Variants in FGF14 observed in about 807,000 individuals in gnomAD.
The protein encoded by FGF14 is fibroblast growth factor 14, also known as fibroblast growth factor homologous factor 4.
FGF14 carries 5 observed loss-of-function variants against 25.5 expected under a neutral mutation model. The observed-to-expected ratio is 0.20, with a 90% CI of 0.10 to 0.41. The LOEUF is 0.41. FGF14 is among the 10% of genes least tolerant of loss of function. The probability of loss-of-function intolerance (pLI) is 1.00; values close to 1 mark genes in which losing one functional copy is unlikely to be tolerated. For synonymous variants in FGF14, 138 were observed against 118.3 expected, an observed-to-expected ratio of 1.17 and a Z score of -1.08; for missense variants, 222 against 320.1, an observed-to-expected ratio of 0.69 and a Z score of 2.34.
At chr13:102,234,577 TA>T (rs942447784) in intron 1 of FGF14, among the ~76,000 whole-genome samples, 36 of 152,242 alleles carry the variant, frequency 2.4e-4, no homozygotes, top group Admixed American at 1.7e-3. Context: ...TTACTATAAT[TA>T]AAAATAAAAT....
At position 101,754,705 on chromosome 13, in the gene FGF14, G is replaced by T. The variant is rs530397372; in HGVS notation, c.409-27895C>A. Among the ~76,000 whole-genome samples the T allele has an allele frequency of 7.9e-5, 12 of 152,148 alleles. No homozygotes were observed. The East Asian group carries it at 1.9e-3, about 25-fold the overall frequency. On this transcript the variant is annotated intron_variant, in intron 3 of 4. Coordinates refer to ENST00000376143, the MANE Select transcript of FGF14 (RefSeq NM_004115.4). Reference sequence around the variant, plus strand: ...GATCACACCACTGCACCCCAGCCTGGGTGACGAAGTAAGACTCCATAACAA... The same window carrying T: ...GATCACACCACTGCACCCCAGCCTGTGTGACGAAGTAAGACTCCATAACAA...
At chr13:101,917,005 C>G (rs1033859388), upstream of FGF14, among the ~76,000 whole-genome samples, 6 of 151,642 alleles carry the variant, frequency 4.0e-5, no homozygotes, top group African/African-American at 1.5e-4. Flanking sequence ...CCGCCACTCG[C>G]GCTGCCTTCT....
chr13:101,807,509 G>C (rs9513958), intron 3 of FGF14, among the ~76,000 whole-genome samples: 133,840 of 152,054 alleles, frequency 0.88, 59,128 homozygotes, highest in Non-Finnish European at 0.92. Context: ...TAAGTGGACT[G>C]TTTTTTGGAT....
chr13:102,099,715 T>C (rs2044569568), intron 1 of FGF14, among the ~76,000 whole-genome samples: 1 of 152,140 alleles, frequency 6.6e-6, no homozygotes, highest in Non-Finnish European at 1.5e-5. Flanking sequence ...GTTAATAAGA[T>C]GCACTATTTA....
intron 1 of FGF14, among the ~76,000 whole-genome samples, chr13:102,107,745 A>G (rs2044996870): frequency 6.6e-6 from 1 of 152,196 alleles, no homozygotes; most frequent in Non-Finnish European, 1.5e-5. Context: ...GAAGTCAGAG[A>G]AGAAAAGGAT....
intron 3 of FGF14, among the ~76,000 whole-genome samples, chr13:101,772,312 G>A (rs1160415109): frequency 6.6e-6 from 1 of 151,984 alleles, no homozygotes; most frequent in Non-Finnish European, 1.5e-5. Flanking sequence ...AGCCACCACG[G>A]GGTTTCATAT....
intron 3 of FGF14, among the ~76,000 whole-genome samples, chr13:101,843,669 G>A (rs1301515992): frequency 6.6e-6 from 1 of 151,904 alleles, no homozygotes; most frequent in African/African-American, 2.4e-5. Flanking sequence ...ACTAGATATA[G>A]GGACTAGGAA....
intron 1 of FGF14, among the ~76,000 whole-genome samples, chr13:102,121,682 G>C (rs149581100): frequency 2.2e-3 from 329 of 152,136 alleles, no homozygotes; most frequent in African/African-American, 7.5e-3. Flanking sequence ...TATATATGTT[G>C]TACATACCCA....
chr13:102,129,554 T>C (rs142613751), intron 1 of FGF14, among the ~76,000 whole-genome samples: 4 of 152,282 alleles, frequency 2.6e-5, no homozygotes, highest in African/African-American at 9.6e-5. Flanking sequence ...TACATGAGTA[T>C]TTCCCTTCCT....
intron 1 of FGF14, among the ~76,000 whole-genome samples, chr13:101,923,745 A>C (rs1218027424): frequency 6.6e-6 from 1 of 152,074 alleles, no homozygotes; most frequent in African/African-American, 2.4e-5. Flanking sequence ...TCTGGTAGGC[A>C]ACAGATTTCT....
intron 3 of FGF14, among the ~76,000 whole-genome samples, chr13:101,863,118 T>C (rs1003908599): frequency 3.3e-5 from 5 of 152,168 alleles, no homozygotes; most frequent in African/African-American, 1.2e-4. Flanking sequence ...CATAGTGTCA[T>C]AGATTGTTAT....
intron 3 of FGF14, among the ~76,000 whole-genome samples, chr13:101,825,392 CTCATGGATT>C (rs1246989359): frequency 1.3e-5 from 2 of 152,176 alleles, no homozygotes; most frequent in Non-Finnish European, 2.9e-5. Flanking sequence ...CTTCCTATTA[CTCATGGATT>C]TCAACACAAT....
chr13:102,285,883 A>G (rs912312472), intron 1 of FGF14, among the ~76,000 whole-genome samples: 2 of 152,236 alleles, frequency 1.3e-5, no homozygotes, highest in African/African-American at 4.8e-5. Context: ...CTTCAAGGCA[A>G]AGGGTTGCAG....
chr13:101,957,822 C>T (rs1224992731), intron 1 of FGF14, among the ~76,000 whole-genome samples: 4 of 152,104 alleles, frequency 2.6e-5, no homozygotes, highest in Non-Finnish European at 5.9e-5. Context: ...ACCATTGTCA[C>T]TCTCTTAATC....
intron 1 of FGF14, among the ~76,000 whole-genome samples, chr13:102,253,472 TGA>T (rs2052292809): frequency 6.6e-6 from 1 of 152,230 alleles, no homozygotes; most frequent in Non-Finnish European, 1.5e-5. Flanking sequence ...TGTCTTCTTT[TGA>T]GAAGTGTCCG....
chr13:102,199,447 A>C (rs1185286942), intron 1 of FGF14, among the ~76,000 whole-genome samples: 2 of 152,192 alleles, frequency 1.3e-5, no homozygotes, highest in African/African-American at 2.4e-5. Context: ...GAACAACCCA[A>C]TGAGCCAGGT....
At chr13:101,926,915 A>AT (rs35318029) in intron 1 of FGF14, among the ~76,000 whole-genome samples, 1 of 152,212 alleles carries the variant, frequency 6.6e-6, no homozygotes, top group Non-Finnish European at 1.5e-5. Context: ...TATGCAAAAG[A>AT]TTTTTAAAGA....
chr13:101,852,600 T>C (rs937236657), intron 3 of FGF14, among the ~76,000 whole-genome samples: 3 of 152,058 alleles, frequency 2.0e-5, no homozygotes, highest in African/African-American at 7.2e-5. Context: ...TCTTTAAGTT[T>C]TATGACACTC....
At chr13:102,357,580 G>C (rs1011855395) in intron 1 of FGF14, among the ~76,000 whole-genome samples, 1 of 152,144 alleles carries the variant, frequency 6.6e-6, no homozygotes, top group African/African-American at 2.4e-5. Flanking sequence ...CTATTAGCTA[G>C]GGGACTTTGA....
Sources: allele counts gnomAD v4.1 joint callset (sites outside exome capture counted in the v4.1 genomes callset), GRCh38; gene constraint gnomAD v4.1.1; transcripts MANE v1.5; gene names NCBI Gene and HGNC (gene_info 2026-07-23, HGNC 2026-07-21).